Variants in CDH20 observed in about 807,000 individuals in gnomAD.
CDH20 encodes the protein cadherin 20.
CDH20 carries 29 observed loss-of-function variants against 74.2 expected under a neutral mutation model. The ratio of observed to expected loss-of-function variants is 0.39; its 90% CI spans 0.29 to 0.53. The LOEUF is 0.53. Ranked by LOEUF, CDH20 falls within the 20% of genes least tolerant of loss-of-function variation. The probability of loss-of-function intolerance (pLI) is 0.69; values close to 1 mark genes in which losing one functional copy is unlikely to be tolerated. For synonymous variants in CDH20, 469 were observed against 405.4 expected (o/e 1.16, Z -1.88); for missense variants, 988 against 1,048.3 (o/e 0.94, Z 0.79).
At chr18:61,348,898 G>A (rs960475497) in intron 1 of CDH20, among the ~76,000 whole-genome samples, 1 of 152,112 alleles carries the variant, frequency 6.6e-6, no homozygotes, top group African/African-American at 2.4e-5. Flanking sequence ...GCTTTGTGGG[G>A]CAGTAAAGCA....
At chr18:61,373,133 C>T (rs1400896712) in intron 1 of CDH20, among the ~76,000 whole-genome samples, 1 of 151,068 alleles carries the variant, frequency 6.6e-6, no homozygotes, top group Admixed American at 6.6e-5. Flanking sequence ...TTGTCTTACA[C>T]AGATGGCATG....
At chr18:61,514,563 G>C (rs1184124528) in intron 6 of CDH20, among the ~76,000 whole-genome samples, 5 of 151,628 alleles carry the variant, frequency 3.3e-5, no homozygotes, top group African/African-American at 9.7e-5. Flanking sequence ...TCCTTTGGAG[G>C]AGGAGAGGCG....
intron 1 of CDH20, among the ~76,000 whole-genome samples, chr18:61,345,633 C>T (rs983590269): frequency 2.0e-5 from 3 of 152,102 alleles, no homozygotes; most frequent in African/African-American, 7.2e-5. Flanking sequence ...ATCGATGTTT[C>T]TCCCCCTAGG....
At position 61,500,365 on chromosome 18, in the gene CDH20, ACCTCTTCTCTT is replaced by A; in HGVS notation, c.542-15_542-5del. On this transcript the variant is annotated splice_polypyrimidine_tract_variant and splice_region_variant and intron_variant, in intron 3 of 11. Transcript: ENST00000262717. ...AGCTATTAGACTTGAACAGGTTTCT[ACCTCTTCTCTT>A]CCCCAGGTACCTCCGTCATCCAAGT... 1 of 1,610,118 alleles carries A rather than the reference ACCTCTTCTCTT, an allele frequency of 6.2e-7. No homozygotes were observed. Among genetic ancestry groups the A allele is most frequent in the Non-Finnish European group, 8.5e-7 (1 of 1,177,718 alleles).
At chr18:61,370,864 T>C (rs751103031) in intron 1 of CDH20, among the ~76,000 whole-genome samples, 1 of 152,104 alleles carries the variant, frequency 6.6e-6, no homozygotes, top group South Asian at 2.1e-4. Flanking sequence ...AAGTATTCAG[T>C]GACAAATCAA....
intron 7 of CDH20, among the ~76,000 whole-genome samples, chr18:61,530,722 A>G (rs368797440): frequency 6.6e-6 from 1 of 152,204 alleles, no homozygotes; most frequent in Non-Finnish European, 1.5e-5. Flanking sequence ...TGAATTTTTA[A>G]TACATGCTCA....
chr18:61,344,014 C>T (rs1056284873), intron 1 of CDH20, among the ~76,000 whole-genome samples: 1 of 152,116 alleles, frequency 6.6e-6, no homozygotes, highest in Non-Finnish European at 1.5e-5. Flanking sequence ...GGGAAGGTAT[C>T]AGAGGTCCTC....
chr18:61,337,982 A>G (rs17736149), intron 1 of CDH20, among the ~76,000 whole-genome samples: 11,488 of 152,320 alleles, frequency 0.075, 598 homozygotes, highest in Middle Eastern at 0.14. Flanking sequence ...CATAAATATA[A>G]CATAACTGTA....
intron 6 of CDH20, among the ~76,000 whole-genome samples, chr18:61,515,363 G>C (rs891125905): frequency 1.3e-5 from 2 of 152,050 alleles, no homozygotes; most frequent in African/African-American, 4.8e-5. Flanking sequence ...TTCGGCTCGC[G>C]CACGGTGCAC....
intron 1 of CDH20, among the ~76,000 whole-genome samples, chr18:61,444,778 A>T (rs1182539384): frequency 6.6e-6 from 1 of 152,186 alleles, no homozygotes; most frequent in African/African-American, 2.4e-5. Flanking sequence ...AATCCTGCTT[A>T]TCAATCATAT....
chr18:61,515,102 G>A (rs1198880887), intron 6 of CDH20, among the ~76,000 whole-genome samples: 1 of 152,082 alleles, frequency 6.6e-6, no homozygotes, highest in East Asian at 1.9e-4. Context: ...CCCCAGACTC[G>A]CTGCCACCTT....
intron 8 of CDH20, among the ~76,000 whole-genome samples, chr18:61,538,621 T>TTG (rs1912911527): frequency 2.4e-5 from 1 of 41,226 alleles, no homozygotes; most frequent in African/African-American, 1.1e-4. Context: ...TTTGTTTTTG[T>TTG]TTTGTTTTTT....
At chr18:61,338,332 T>C (rs1909826464) in intron 1 of CDH20, among the ~76,000 whole-genome samples, 1 of 152,168 alleles carries the variant, frequency 6.6e-6, no homozygotes, top group South Asian at 2.1e-4. Context: ...CTATCCATGG[T>C]TTGCTAACTA....
At chr18:61,364,998 A>C (rs1910813166) in intron 1 of CDH20, among the ~76,000 whole-genome samples, 1 of 152,196 alleles carries the variant, frequency 6.6e-6, no homozygotes, top group Non-Finnish European at 1.5e-5. Flanking sequence ...TCATTTCCTT[A>C]ATCAGGGAAA....
intron 2 of CDH20, among the ~76,000 whole-genome samples, chr18:61,495,996 C>T (rs1481658589): frequency 6.6e-6 from 1 of 150,524 alleles, no homozygotes; most frequent in Non-Finnish European, 1.5e-5. Flanking sequence ...CCTTTCCCCG[C>T]CTTCTTCCCT....
chr18:61,474,366 T>C (rs958080363), intron 1 of CDH20, among the ~76,000 whole-genome samples: 14 of 152,226 alleles, frequency 9.2e-5, no homozygotes, highest in Admixed American at 2.0e-4. Flanking sequence ...TGACCTTTTC[T>C]CCTCTTGCCT....
At chr18:61,335,949 G>A (rs977072255) in intron 1 of CDH20, among the ~76,000 whole-genome samples, 5 of 152,154 alleles carry the variant, frequency 3.3e-5, no homozygotes, top group African/African-American at 1.2e-4. Flanking sequence ...GAGTTGCCGG[G>A]AAATTTAATC....
rs534003502 is a variant in CDH20 at position 61,399,495 on chromosome 18, G to A, written c.-153+65668G>A. Among the ~76,000 whole-genome samples, 16 of 152,084 alleles carry A rather than the reference G, an allele frequency of 1.1e-4. No homozygotes were observed. The South Asian group carries it at 3.1e-3, about 30-fold the overall frequency. The stretch of plus-strand genomic sequence containing the variant: ...ATTTTATACATTTCTTCTCCAGCCC[G>A]AAATCCCATCATGTTTTGTTCAGCT... On this transcript the variant is annotated intron_variant, in intron 1 of 11. Coordinates refer to ENST00000262717, the MANE Select transcript of CDH20 (RefSeq NM_031891.4).
At chr18:61,439,560 TATA>T (rs1908957037) in intron 1 of CDH20, among the ~76,000 whole-genome samples, 2 of 152,194 alleles carry the variant, frequency 1.3e-5, no homozygotes, top group South Asian at 4.1e-4. Context: ...CCTACATTTC[TATA>T]ATAATATTAA....
Sources: allele counts gnomAD v4.1 joint callset (sites outside exome capture counted in the v4.1 genomes callset), GRCh38; gene constraint gnomAD v4.1.1; transcripts MANE v1.5; gene names NCBI Gene and HGNC (gene_info 2026-07-23, HGNC 2026-07-21).